Variants in TMEM45A observed in about 807,000 individuals in gnomAD.
TMEM45A encodes DNA polymerase-transactivated protein 4.
In TMEM45A, 25 loss-of-function variants were observed where a neutral mutation model predicts 32.0. The ratio of observed to expected loss-of-function variants is 0.78; its 90% CI spans 0.57 to 1.09. The LOEUF is 1.09. Ranked by LOEUF, TMEM45A falls within the 50% of genes least tolerant of loss-of-function variation. The pLI is 0.00. For missense variants in TMEM45A, 302 were observed against 325.0 expected (o/e 0.93, Z 0.54); for synonymous variants, 122 against 114.8 (o/e 1.06, Z -0.40).
intron 1 of TMEM45A, among the ~76,000 whole-genome samples, chr3:100,503,443 T>G (rs954001355): frequency 6.6e-6 from 1 of 152,194 alleles, no homozygotes. Flanking sequence ...ACAGTTTGTT[T>G]CCAGTGGGGG....
chr3:100,536,376 T>A (rs1705740048), intron 1 of TMEM45A, among the ~76,000 whole-genome samples: 1 of 152,254 alleles, frequency 6.6e-6, no homozygotes, highest in Non-Finnish European at 1.5e-5. Flanking sequence ...CCACTGCTGG[T>A]GTGAGTGCCA....
chr3:100,501,741 T>C, intron 1 of TMEM45A, among the ~76,000 whole-genome samples: 1 of 152,164 alleles, frequency 6.6e-6, no homozygotes, highest in East Asian at 1.9e-4. Context: ...AGTGCCGCAG[T>C]TATTTCGTGG....
chr3:100,535,467 A>G (rs548803102), intron 1 of TMEM45A, among the ~76,000 whole-genome samples: 1 of 152,156 alleles, frequency 6.6e-6, no homozygotes, highest in South Asian at 2.1e-4. Flanking sequence ...AAATTGCACA[A>G]TGTTTTGATA....
intron 1 of TMEM45A, among the ~76,000 whole-genome samples, chr3:100,497,365 TG>T (rs1707944051): frequency 6.6e-6 from 1 of 152,224 alleles, no homozygotes; most frequent in African/African-American, 2.4e-5. Flanking sequence ...CAGTAAAGCC[TG>T]TACATGTAAG....
In TMEM45A at chr3:100,492,755, T is replaced by TCCCCCCCCCCCCCCCC. The variant is rs755848570; in HGVS notation, c.-175_-174insCCCCCCCCCCCCCCCC. On this transcript the variant is annotated 5_prime_UTR_variant, in exon 1 of 6. Transcript: ENST00000323523. ...CGACTAGGGACCCAAGTTTAAAAAT[T>TCCCCCCCCCCCCCCCC]CCTCCCCCCACCCAATGCGAGACGT... 8 of 143,522 alleles carry TCCCCCCCCCCCCCCCC rather than the reference T, an allele frequency of 5.6e-5. No homozygotes were observed. The highest frequency in any genetic ancestry group is 2.2e-4 in the South Asian group (1 of 4,538). The allele number at this position is 143,522 out of a possible 1,614,324, so 8.9% of individuals were successfully genotyped here. A position where few individuals can be genotyped will look rare whatever the true frequency, so the allele number is the denominator to read the frequency against.
intron 1 of TMEM45A, among the ~76,000 whole-genome samples, chr3:100,516,108 G>T (rs183309604): frequency 1.6e-3 from 242 of 152,244 alleles, no homozygotes; most frequent in Non-Finnish European, 2.4e-3. Context: ...CATGTACTCT[G>T]TAAATATGTA....
At chr3:100,507,585 C>A (rs1195530921) in intron 1 of TMEM45A, among the ~76,000 whole-genome samples, 1 of 151,870 alleles carries the variant, frequency 6.6e-6, no homozygotes, top group East Asian at 1.9e-4. Context: ...TCTTGGAGCT[C>A]TTTATTTTCA....
rs2149000995 is a variant in TMEM45A at position 100,576,982 on chromosome 3, T to C, written c.792T>C (p.Asn264=). The stretch of plus-strand genomic sequence containing the variant: ...CCTCAGAAGTTGGACTTCTGAAAAA[T>C]GCTGAACGAGAACAAGAATCAGAAG... ...LCSSEVGLLK[N]AEREQESEEE... Residue 264 remains asparagine (N), a synonymous_variant, in exon 6 of 6, where the codon AAT becomes AAC. Coordinates refer to ENST00000323523, the MANE Select transcript of TMEM45A (RefSeq NM_018004.3). The C allele has an allele frequency of 6.2e-7, 1 of 1,613,610 alleles. No homozygotes were observed. Among genetic ancestry groups the C allele is most frequent in the Non-Finnish European group, 8.5e-7 (1 of 1,179,926 alleles).
intron 5 of TMEM45A, chr3:100,572,219 G>T (rs1298726388): frequency 6.6e-6 from 1 of 152,106 alleles, no homozygotes. Context: ...CCCACCAACA[G>T]TGTAAAAGTG....
rs1233977870 is a variant in TMEM45A at position 100,568,813 on chromosome 3, A to G, written c.589-9A>G. 6.3e-7 allele frequency: 1 copy of G among 1,590,640 alleles called. No individual in the cohort carries two copies. The highest frequency in any genetic ancestry group is 8.6e-7 in the Non-Finnish European group (1 of 1,165,078). ...TATTTTAATATATGCTTTTTGTTCT[A>G]AATTACAGATTGGATTTGTCCTGTA... is the stretch of plus-strand genomic sequence containing the variant. On this transcript the variant is annotated splice_polypyrimidine_tract_variant and intron_variant, in intron 4 of 5. Coordinates refer to ENST00000323523, the MANE Select transcript of TMEM45A (RefSeq NM_018004.3).
intron 1 of TMEM45A, chr3:100,519,717 C>T (rs1302547624): frequency 1.7e-6 from 2 of 1,146,274 alleles, no homozygotes; most frequent in African/African-American, 1.5e-5. Context: ...GTATTTATGA[C>T]ATTGTGCAAG....
chr3:100,570,268 G>C (rs1018746131), intron 5 of TMEM45A, among the ~76,000 whole-genome samples: 9 of 152,296 alleles, frequency 5.9e-5, no homozygotes, highest in South Asian at 2.1e-4. Context: ...TGAGGTCCCA[G>C]CTAGAACAAA....
chr3:100,516,888 C>T (rs1173624422), intron 1 of TMEM45A, among the ~76,000 whole-genome samples: 2 of 151,808 alleles, frequency 1.3e-5, no homozygotes, highest in Non-Finnish European at 2.9e-5. Flanking sequence ...TTGAGATATC[C>T]TCTCCCTGGC....
At chr3:100,563,036 T>C (rs1351144392) in intron 4 of TMEM45A, among the ~76,000 whole-genome samples, 1 of 152,214 alleles carries the variant, frequency 6.6e-6, no homozygotes, top group Non-Finnish European at 1.5e-5. Flanking sequence ...AAATTTATTC[T>C]TTTACTCTTC....
intron 1 of TMEM45A, among the ~76,000 whole-genome samples, chr3:100,550,418 C>T (rs1445340458): frequency 6.6e-6 from 1 of 152,044 alleles, no homozygotes; most frequent in Non-Finnish European, 1.5e-5. Context: ...TTAAGACAAA[C>T]AGAGCAAAGC....
chr3:100,565,821 T>A (rs938211974), intron 4 of TMEM45A, among the ~76,000 whole-genome samples: 1 of 152,178 alleles, frequency 6.6e-6, no homozygotes, highest in Non-Finnish European at 1.5e-5. Context: ...GTGTACAATT[T>A]AGTGGCATTT....
At chr3:100,509,800 A>C (rs1019866571) in intron 1 of TMEM45A, among the ~76,000 whole-genome samples, 1 of 152,188 alleles carries the variant, frequency 6.6e-6, no homozygotes, top group Non-Finnish European at 1.5e-5. Flanking sequence ...GCATTGCCTC[A>C]CTCGGGAAGT....
intron 4 of TMEM45A, among the ~76,000 whole-genome samples, chr3:100,562,200 C>CT (rs111846712): frequency 0.017 from 2,406 of 145,588 alleles, 40 homozygotes; most frequent in African/African-American, 0.044. Flanking sequence ...GCAAGAAAAA[C>CT]TTTTTTTTTT....
intron 4 of TMEM45A, among the ~76,000 whole-genome samples, chr3:100,564,987 T>C (rs1359266276): frequency 1.3e-5 from 2 of 152,234 alleles, no homozygotes; most frequent in Non-Finnish European, 2.9e-5. Flanking sequence ...TCCAGGTCAC[T>C]GTCCTTCGTA....
Sources: gnomAD v4.1 joint callset for allele counts (sites outside exome capture counted in the v4.1 genomes callset) on GRCh38, gnomAD v4.1.1 for gene constraint, MANE v1.5 for transcripts, NCBI Gene and HGNC (gene_info 2026-07-23, HGNC 2026-07-21) for gene names.